Variants in XKR6 observed in about 807,000 individuals in gnomAD.
XKR6 encodes the protein XK related 6, also known as XK-related protein 6.
In XKR6, 22 loss-of-function variants were observed where a neutral mutation model predicts 56.7. That is an observed-to-expected ratio of 0.39 (90% confidence interval 0.28 to 0.55). The LOEUF (loss-of-function observed/expected upper bound fraction) is 0.55, where lower values mean the gene tolerates loss of function less well. XKR6 is among the 20% of genes least tolerant of loss of function. The pLI, the probability that XKR6 is intolerant of heterozygous loss-of-function variation, is 0.66. For missense variants in XKR6, 852 were observed against 889.0 expected (o/e 0.96, Z 0.53); for synonymous variants, 524 against 387.8 (o/e 1.35, Z -4.13).
chr8:11,041,134 A>T (rs905978668), intron 1 of XKR6, among the ~76,000 whole-genome samples: 2 of 152,180 alleles, frequency 1.3e-5, no homozygotes, highest in Non-Finnish European at 2.9e-5. Context: ...GACGTTAGGG[A>T]CAGCTCAGTG....
intron 1 of XKR6, among the ~76,000 whole-genome samples, chr8:11,151,326 A>T (rs1801258787): frequency 1.3e-5 from 2 of 152,228 alleles, no homozygotes; most frequent in African/African-American, 4.8e-5. Context: ...AAATATAATC[A>T]TACACTGTGC....
chr8:11,043,147 C>A (rs1311419001), intron 1 of XKR6, among the ~76,000 whole-genome samples: 2 of 151,992 alleles, frequency 1.3e-5, no homozygotes, highest in Admixed American at 6.6e-5. Flanking sequence ...AATATTTAAA[C>A]CTATACAATA....
chr8:10,958,311 T>G (rs1435842186), intron 1 of XKR6, among the ~76,000 whole-genome samples: 1 of 152,138 alleles, frequency 6.6e-6, no homozygotes, highest in Non-Finnish European at 1.5e-5. Flanking sequence ...TGCTGGGGCT[T>G]GGGGAGCATG....
intron 1 of XKR6, among the ~76,000 whole-genome samples, chr8:11,005,842 C>CTTTCTT (rs1798355051): frequency 8.2e-6 from 1 of 121,352 alleles, no homozygotes; most frequent in African/African-American, 3.1e-5. Flanking sequence ...TTCTTTCTTT[C>CTTTCTT]TTTTTTTTTT....
At chr8:11,023,752 G>T (rs1050066736) in intron 1 of XKR6, among the ~76,000 whole-genome samples, 4 of 152,184 alleles carry the variant, frequency 2.6e-5, no homozygotes, top group Admixed American at 6.5e-5. Context: ...CTCCATGAAG[G>T]CCTCCTGCGG....
At chr8:11,098,991 G>T (rs958350745) in intron 1 of XKR6, among the ~76,000 whole-genome samples, 1 of 152,098 alleles carries the variant, frequency 6.6e-6, no homozygotes, top group Non-Finnish European at 1.5e-5. Context: ...TTTCTTTATG[G>T]GTATAGTCTA....
chr8:11,195,203 T>C (rs1389611307), intron 1 of XKR6: 4 of 703,122 alleles, frequency 5.7e-6, no homozygotes, highest in Non-Finnish European at 1.0e-5. Flanking sequence ...TCCTTGATGG[T>C]ACCAAAGGGT....
At chr8:11,040,636 C>A (rs957172596) in intron 1 of XKR6, among the ~76,000 whole-genome samples, 2 of 152,188 alleles carry the variant, frequency 1.3e-5, no homozygotes, top group African/African-American at 4.8e-5. Context: ...GATTTGGTGT[C>A]TGGTGAGGGC....
chr8:11,049,598 C>G (rs1390290928), intron 1 of XKR6, among the ~76,000 whole-genome samples: 1 of 152,222 alleles, frequency 6.6e-6, no homozygotes, highest in African/African-American at 2.4e-5. Flanking sequence ...GGCCCTGGAG[C>G]AGGCTTGGCA....
At chr8:10,914,700 G>A (rs7015168) in intron 2 of XKR6, among the ~76,000 whole-genome samples, 12,008 of 152,106 alleles carry the variant, frequency 0.079, 1,609 homozygotes, top group African/African-American at 0.27. Context: ...CTTGTGAGGG[G>A]GGCTCCTTAA....
chr8:11,032,349 G>A (rs376856155), intron 1 of XKR6, among the ~76,000 whole-genome samples: 12 of 152,332 alleles, frequency 7.9e-5, no homozygotes, highest in African/African-American at 2.9e-4. Context: ...CAGTTTTGCA[G>A]AGAGAAAACA....
chr8:11,143,958 C>G (rs960620407), intron 1 of XKR6, among the ~76,000 whole-genome samples: 1 of 152,146 alleles, frequency 6.6e-6, no homozygotes, highest in South Asian at 2.1e-4. Context: ...GCCACCTTCT[C>G]CCTTTGTCCT....
intron 1 of XKR6, among the ~76,000 whole-genome samples, chr8:11,096,307 C>G (rs1028455066): frequency 4.6e-5 from 7 of 152,166 alleles, no homozygotes; most frequent in African/African-American, 1.7e-4. Flanking sequence ...ATGCATCCAT[C>G]TGATGGAATG....
intron 1 of XKR6, among the ~76,000 whole-genome samples, chr8:10,955,173 G>T (rs1013926347): frequency 2.0e-5 from 3 of 151,526 alleles, no homozygotes; most frequent in South Asian, 4.2e-4. Context: ...CCAGCCCCCG[G>T]CTTCATTCTT....
chr8:10,954,307 TG>T lies in XKR6; in HGVS notation c.765-29478del, dbSNP rs779483494. Among the ~76,000 whole-genome samples the T allele has an allele frequency of 3.3e-5, 5 of 152,262 alleles. No individual in the cohort carries two copies. In the South Asian group the frequency reaches 8.3e-4, roughly 25 times the overall value. On this transcript the variant is annotated intron_variant, in intron 1 of 2. Transcript: ENST00000416569. Reference sequence around the variant, plus strand: ...ACAATGCAATGAGCGTTCCAATTTCTGCACATCCTTGTCAACACTTGTTATT... The same window carrying T: ...ACAATGCAATGAGCGTTCCAATTTCTCACATCCTTGTCAACACTTGTTATT...
intron 1 of XKR6, among the ~76,000 whole-genome samples, chr8:10,997,452 T>A (rs556600409): frequency 1.4e-4 from 22 of 152,318 alleles, no homozygotes; most frequent in Non-Finnish European, 2.8e-4. Context: ...GGTGGCGGTC[T>A]GAGCTCAGCC....
intron 1 of XKR6, chr8:11,137,211 G>A (rs1260020509): frequency 2.3e-5 from 5 of 213,596 alleles, no homozygotes; most frequent in African/African-American, 1.2e-4. Context: ...GCTGTAGGCA[G>A]TGGAGAAGAG....
chr8:11,015,999 T>A (rs1798610890), intron 1 of XKR6, among the ~76,000 whole-genome samples: 5 of 152,122 alleles, frequency 3.3e-5, no homozygotes, highest in Admixed American at 3.3e-4. Flanking sequence ...ACGATCCGGC[T>A]CGGTTTGGTC....
At chr8:10,998,280 CACAT>C (rs957748477) in intron 1 of XKR6, among the ~76,000 whole-genome samples, 1 of 152,038 alleles carries the variant, frequency 6.6e-6, no homozygotes, top group Non-Finnish European at 1.5e-5. Flanking sequence ...CACACACACA[CACAT>C]ACACACACAC....
Sources: allele counts gnomAD v4.1 joint callset (sites outside exome capture counted in the v4.1 genomes callset), GRCh38; gene constraint gnomAD v4.1.1; transcripts MANE v1.5; gene names NCBI Gene and HGNC (gene_info 2026-07-23, HGNC 2026-07-21).